PDE7A: variants seen among roughly 807,000 people sequenced by gnomAD.
PDE7A encodes the protein high affinity 3',5'-cyclic-AMP phosphodiesterase 7A.
A neutral mutation model predicts 64.3 loss-of-function variants in PDE7A; 39 were observed. That is an observed-to-expected ratio of 0.61 (90% CI 0.47 to 0.79). The LOEUF (loss-of-function observed/expected upper bound fraction) is 0.79. Ranked by LOEUF, PDE7A falls within the 30% of genes least tolerant of loss-of-function variation. The pLI is 0.00. For synonymous variants in PDE7A, 203 were observed against 206.8 expected (o/e 0.98, Z 0.16); for missense variants, 470 against 582.8 (o/e 0.81, Z 1.99).
At chr8:65,810,241 G>C (rs933037682) in intron 1 of PDE7A, among the ~76,000 whole-genome samples, 6 of 151,656 alleles carry the variant, frequency 4.0e-5, no homozygotes, top group African/African-American at 1.5e-4. Context: ...GTAAACTATC[G>C]CAAGGACAGA....
intron 7 of PDE7A, 200 bp from the exon 8 acceptor site, chr8:65,727,501 A>G: frequency 1.8e-6 from 1 of 561,244 alleles, no homozygotes; most frequent in Non-Finnish European, 3.0e-6. Flanking sequence ...CAAAGCCATG[A>G]TACAACAGTG....
intron 3 of PDE7A, among the ~76,000 whole-genome samples, chr8:65,762,353 A>G (rs549840492): frequency 3.3e-5 from 5 of 152,204 alleles, no homozygotes; most frequent in African/African-American, 1.2e-4. Flanking sequence ...TTTAGCATGC[A>G]TGAATGAATA....
intron 1 of PDE7A, among the ~76,000 whole-genome samples, chr8:65,812,746 A>G (rs914426900): frequency 1.3e-4 from 20 of 152,356 alleles, no homozygotes; most frequent in African/African-American, 4.6e-4. Context: ...TACAAATGCT[A>G]TTAACATAAA....
intron 1 of PDE7A, among the ~76,000 whole-genome samples, chr8:65,792,379 A>G (rs1451195785): frequency 6.6e-6 from 1 of 152,264 alleles, no homozygotes; most frequent in African/African-American, 2.4e-5. Context: ...TAGGAAAAAA[A>G]TATGACTTTG....
intron 6 of PDE7A, 47 bp downstream of exon 6, chr8:65,739,455 T>C: frequency 1.3e-6 from 2 of 1,504,082 alleles, no homozygotes; most frequent in Non-Finnish European, 1.8e-6. Context: ...AACAGGTTCT[T>C]GTATAAATGT....
intron 8 of PDE7A, 52 bp from the exon 9 acceptor site, chr8:65,727,018 A>G: frequency 9.4e-7 from 1 of 1,064,370 alleles, no homozygotes; most frequent in Non-Finnish European, 1.5e-6. Flanking sequence ...CTTTCTGGAC[A>G]TATCATTACT....
At chr8:65,779,570 A>C (rs1585911468) in intron 3 of PDE7A, 150 bp downstream of exon 3, 2 of 472,348 alleles carry the variant, frequency 4.2e-6, no homozygotes, top group Non-Finnish European at 7.5e-6. Flanking sequence ...GATTACCTAG[A>C]AATAGTGTCA....
intron 1 of PDE7A, among the ~76,000 whole-genome samples, chr8:65,834,419 G>T (rs537608575): frequency 3.3e-5 from 5 of 152,228 alleles, no homozygotes; most frequent in African/African-American, 1.2e-4. Flanking sequence ...TAGTAGTTAA[G>T]TTTTTGAGGA....
intron 1 of PDE7A, among the ~76,000 whole-genome samples, chr8:65,803,019 T>C (rs953327428): frequency 2.0e-5 from 3 of 152,214 alleles, no homozygotes; most frequent in African/African-American, 4.8e-5. Context: ...TCTGCCATGA[T>C]TGAAAGCTCC....
At chr8:65,778,189 CG>C (rs1048010750) in intron 3 of PDE7A, among the ~76,000 whole-genome samples, 28 of 152,290 alleles carry the variant, frequency 1.8e-4, no homozygotes, top group African/African-American at 6.7e-4. Flanking sequence ...TATGGAAATG[CG>C]ATGTTATGCC....
intron 2 of PDE7A, among the ~76,000 whole-genome samples, chr8:65,781,975 A>G (rs1809430781): frequency 6.6e-6 from 1 of 152,182 alleles, no homozygotes; most frequent in African/African-American, 2.4e-5. Context: ...ACAAAAAGGA[A>G]TAGGAGTTAC....
chr8:65,737,305 G>A (rs186689348), intron 6 of PDE7A, among the ~76,000 whole-genome samples: 1 of 152,066 alleles, frequency 6.6e-6, no homozygotes, highest in Non-Finnish European at 1.5e-5. Flanking sequence ...AGGATGAAGG[G>A]ATAAACAGCC....
chr8:65,731,385 C>T (rs1806879999), intron 7 of PDE7A, among the ~76,000 whole-genome samples: 1 of 152,178 alleles, frequency 6.6e-6, no homozygotes, highest in Non-Finnish European at 1.5e-5. Flanking sequence ...AGGTTCAGTG[C>T]TAGAGTGGGT....
intron 2 of PDE7A, among the ~76,000 whole-genome samples, chr8:65,782,275 T>C (rs903461320): frequency 1.3e-5 from 2 of 152,078 alleles, no homozygotes; most frequent in Admixed American, 6.5e-5. Flanking sequence ...AAAAGAAAAT[T>C]AGACATATAT....
intron 1 of PDE7A, among the ~76,000 whole-genome samples, chr8:65,815,573 G>T (rs1222473872): frequency 6.6e-6 from 1 of 152,102 alleles, no homozygotes; most frequent in Admixed American, 6.5e-5. Context: ...AGAGAGATGT[G>T]TTCATTTTAT....
chr8:65,840,943 G>A (rs1811066921), intron 1 of PDE7A, among the ~76,000 whole-genome samples: 1 of 152,250 alleles, frequency 6.6e-6, no homozygotes, highest in South Asian at 2.1e-4. Flanking sequence ...CGGGAGCTGG[G>A]GGAGGAGAGG....
At chr8:65,721,565 C>A (rs1050730948) in intron 12 of PDE7A, among the ~76,000 whole-genome samples, 1 of 152,092 alleles carries the variant, frequency 6.6e-6, no homozygotes, top group Non-Finnish European at 1.5e-5. Context: ...TGACCTTATC[C>A]CTGACAACCC....
chr8:65,827,077 G>C (rs771385910), intron 1 of PDE7A, among the ~76,000 whole-genome samples: 12 of 152,116 alleles, frequency 7.9e-5, no homozygotes, highest in Non-Finnish European at 1.6e-4. Context: ...CTCCAAATAA[G>C]GTCACATTCT....
chr8:65,782,847 G>GA lies in PDE7A; in HGVS notation c.139-5dup, dbSNP rs760862772. ...CATAGGAAATAGCTCCACGCCTCTA[G>GA]AAAAAAAAATACACATTATAATACA... On this transcript the variant is annotated splice_polypyrimidine_tract_variant and splice_region_variant and intron_variant, in intron 1 of 12. Coordinates refer to ENST00000401827, the MANE Select transcript of PDE7A (RefSeq NM_001242318.3). 5,252 of 1,485,186 alleles carry GA rather than the reference G, an allele frequency of 3.5e-3. No homozygotes were observed. Among genetic ancestry groups the GA allele is most frequent in the Non-Finnish European group, 4.1e-3 (4,396 of 1,080,570 alleles). The allele number at this position is 1,485,186 out of a possible 1,614,324, so 92.0% of individuals were successfully genotyped here. A position where few individuals can be genotyped will look rare whatever the true frequency, so the allele number is the denominator to read the frequency against.
Sources: allele counts gnomAD v4.1 joint callset (sites outside exome capture counted in the v4.1 genomes callset), GRCh38; gene constraint gnomAD v4.1.1; transcripts MANE v1.5; gene names NCBI Gene and HGNC (gene_info 2026-07-23, HGNC 2026-07-21).